Variants in COLEC10 observed in about 807,000 individuals in gnomAD.
The protein encoded by COLEC10 is collectin subfamily member 10, also known as collectin-10.
COLEC10 carries 22 observed loss-of-function variants against 28.4 expected under a neutral mutation model. The ratio of observed to expected loss-of-function variants is 0.78; its 90% CI spans 0.55 to 1.11. COLEC10 has a LOEUF of 1.11. Ranked by LOEUF, COLEC10 falls within the 50% of genes least tolerant of loss-of-function variation. COLEC10 has a pLI of 0.00. For synonymous variants in COLEC10, 125 were observed against 116.1 expected (o/e 1.08, Z -0.49); for missense variants, 361 against 344.1 (o/e 1.05, Z -0.39).
chr8:119,089,521 T>A (rs546734620), intron 1 of COLEC10, among the ~76,000 whole-genome samples, 159 bp from the exon 2 acceptor site: 1 of 152,312 alleles, frequency 6.6e-6, no homozygotes, highest in East Asian at 1.9e-4. Context: ...TTCACCTGAT[T>A]GTCAAGTGCA....
chr8:119,103,997 C>A, intron 5 of COLEC10, 102 bp downstream of exon 5: 1 of 843,020 alleles, frequency 1.2e-6, no homozygotes, highest in Non-Finnish European at 2.0e-6. Flanking sequence ...GGACAAAGGG[C>A]TATTGAGATA....
chr8:119,085,065 G>A (rs1361083509), intron 1 of COLEC10, among the ~76,000 whole-genome samples: 1 of 152,126 alleles, frequency 6.6e-6, no homozygotes, highest in Non-Finnish European at 1.5e-5. Context: ...TATGAGGTTG[G>A]GATTATTCTC....
chr8:118,984,630 G>T, the COLEC10 span, among the ~76,000 whole-genome samples: 3,729 of 152,166 alleles, frequency 0.025, 146 homozygotes, highest in African/African-American at 0.084. Flanking sequence ...GGAAAGCACC[G>T]TGTGATGATA....
intron 1 of COLEC10, among the ~76,000 whole-genome samples, chr8:119,079,570 G>A (rs16891963): frequency 0.2 from 29,743 of 151,602 alleles, 3,889 homozygotes; most frequent in African/African-American, 0.37. Flanking sequence ...AAAACTTAAT[G>A]TTGCATTTTT....
At chr8:119,004,061 T>C (rs1351234373) in intron 1 of COLEC10, among the ~76,000 whole-genome samples, 1 of 152,002 alleles carries the variant, frequency 6.6e-6, no homozygotes. Flanking sequence ...CTATAACCCA[T>C]CCAGAACAAG....
At chr8:118,965,751 A>C in the COLEC10 span, among the ~76,000 whole-genome samples, 2 of 152,112 alleles carry the variant, frequency 1.3e-5, no homozygotes, top group Non-Finnish European at 2.9e-5. Context: ...TCTCATGTTC[A>C]GGACCTGGCA....
chr8:118,974,645 T>C, the COLEC10 span, among the ~76,000 whole-genome samples: 1 of 152,022 alleles, frequency 6.6e-6, no homozygotes, highest in East Asian at 1.9e-4. Context: ...TCTCCCATGG[T>C]AATTAATAAA....
At chr8:119,065,042 C>G (rs1218439711), upstream of COLEC10, among the ~76,000 whole-genome samples, 1 of 152,088 alleles carries the variant, frequency 6.6e-6, no homozygotes, top group Non-Finnish European at 1.5e-5. Flanking sequence ...ATACTATAGG[C>G]CTGTTGTGAT....
the COLEC10 span, among the ~76,000 whole-genome samples, chr8:118,954,412 G>A: frequency 6.6e-6 from 1 of 152,134 alleles, no homozygotes; most frequent in Non-Finnish European, 1.5e-5. Flanking sequence ...CACTACTGTG[G>A]GCTGCAGGCT....
At position 119,044,634 on chromosome 8, in the gene COLEC10, C is replaced by T. The variant is rs144210496; in HGVS notation, n.235+35081C>T. On this transcript the variant is annotated intron_variant and non_coding_transcript_variant, in intron 2 of 6. Coordinates refer to the COLEC10 transcript ENST00000521788. ...CCAGCGGGAGGGCGGGGGCATGGAT[C>T]GTTTCAGGCCAGGAGTTCGAAACCA... Among the ~76,000 whole-genome samples the T allele has an allele frequency of 2.8e-3, 432 of 152,086 alleles. 2 individuals carry two copies. Among genetic ancestry groups the T allele is most frequent in the African/African-American group, 9.6e-3 (397 of 41,482 alleles).
intron 1 of COLEC10, among the ~76,000 whole-genome samples, chr8:119,074,597 C>T (rs374402442): frequency 6.6e-6 from 1 of 152,148 alleles, no homozygotes; most frequent in African/African-American, 2.4e-5. Context: ...AAGAAAGGCT[C>T]ATAGATTGTG....
chr8:119,026,499 T>C (rs1275146936), intron 2 of COLEC10, among the ~76,000 whole-genome samples: 1 of 151,908 alleles, frequency 6.6e-6, no homozygotes, highest in African/African-American at 2.4e-5. Flanking sequence ...GTTCAGGAGG[T>C]TGAGGCTGCA....
chr8:119,087,253 T>C (rs767584549), intron 1 of COLEC10, among the ~76,000 whole-genome samples: 38 of 152,232 alleles, frequency 2.5e-4, no homozygotes, highest in Non-Finnish European at 4.4e-4. Context: ...TCACTTATGA[T>C]CCCACCATGC....
At chr8:119,047,817 A>G (rs947160076) in intron 2 of COLEC10, among the ~76,000 whole-genome samples, 3 of 152,180 alleles carry the variant, frequency 2.0e-5, no homozygotes, top group Non-Finnish European at 2.9e-5. Context: ...TTTTCAAGAT[A>G]AATTCTAGAG....
upstream of COLEC10, chr8:119,067,153 G>C: frequency 1.1e-6 from 1 of 882,230 alleles, no homozygotes; most frequent in Admixed American, 2.5e-5. Flanking sequence ...CTTCCTTCCT[G>C]TCTCTGTAGC....
chr8:118,981,783 T>C, the COLEC10 span, among the ~76,000 whole-genome samples: 31 of 152,250 alleles, frequency 2.0e-4, no homozygotes, highest in East Asian at 4.1e-3. Context: ...CTGCTATTGA[T>C]GTATTTTAGG....
At chr8:119,033,196 CTGGCTG>C (rs1174857427) in intron 2 of COLEC10, among the ~76,000 whole-genome samples, 2 of 152,248 alleles carry the variant, frequency 1.3e-5, no homozygotes, top group African/African-American at 4.8e-5. Context: ...GTTGTAACTG[CTGGCTG>C]ATTTCAGCCA....
intron 1 of COLEC10, among the ~76,000 whole-genome samples, chr8:119,087,843 A>G (rs1001947389): frequency 2.6e-5 from 4 of 152,142 alleles, no homozygotes; most frequent in African/African-American, 7.2e-5. Context: ...TAAAAGCTCT[A>G]TGACAATAGG....
At chr8:119,011,551 A>G (rs1813901002) in intron 2 of COLEC10, among the ~76,000 whole-genome samples, 1 of 150,916 alleles carries the variant, frequency 6.6e-6, no homozygotes, top group Admixed American at 6.6e-5. Context: ...AAATCCATAG[A>G]TCAAGTTAGA....
Sources: gnomAD v4.1 joint callset for allele counts (sites outside exome capture counted in the v4.1 genomes callset) on GRCh38, gnomAD v4.1.1 for gene constraint, MANE v1.5 for transcripts, NCBI Gene and HGNC (gene_info 2026-07-23, HGNC 2026-07-21) for gene names.